Variants in RAB3C observed in about 807,000 individuals in gnomAD.
RAB3C encodes the protein RAB3C, member RAS oncogene family, also known as ras-related protein Rab-3C.
RAB3C carries 17 observed loss-of-function variants against 26.4 expected under a neutral mutation model. That is an observed-to-expected ratio of 0.64 (90% CI 0.44 to 0.97). The LOEUF (loss-of-function observed/expected upper bound fraction) is 0.97, where lower values mean the gene tolerates loss of function less well. Ranked by LOEUF, RAB3C falls within the 50% of genes least tolerant of loss-of-function variation. The pLI is 0.00. For missense variants in RAB3C, 242 were observed against 281.9 expected, an observed-to-expected ratio of 0.86 and a Z score of 1.01; for synonymous variants, 91 against 95.9, an observed-to-expected ratio of 0.95 and a Z score of 0.30.
intron 2 of RAB3C, among the ~76,000 whole-genome samples, chr5:58,674,844 A>G (rs1748190735): frequency 1.3e-5 from 2 of 151,982 alleles, no homozygotes; most frequent in Non-Finnish European, 2.9e-5. Context: ...ACAAGTCTTG[A>G]GATGAAACAT....
At chr5:58,734,868 A>G (rs1741101495) in intron 3 of RAB3C, among the ~76,000 whole-genome samples, 1 of 152,244 alleles carries the variant, frequency 6.6e-6, no homozygotes, top group Non-Finnish European at 1.5e-5. Context: ...CTGAATTAGC[A>G]AATACTGAAT....
chr5:58,677,125 C>T (rs551348899), intron 2 of RAB3C, among the ~76,000 whole-genome samples: 50 of 152,288 alleles, frequency 3.3e-4, no homozygotes, highest in African/African-American at 1.2e-3. Flanking sequence ...CCAGTCTTCA[C>T]GTGGTGTTCT....
chr5:58,821,523 G>A (rs562005552), intron 3 of RAB3C, among the ~76,000 whole-genome samples: 1 of 152,132 alleles, frequency 6.6e-6, no homozygotes, highest in African/African-American at 2.4e-5. Flanking sequence ...GTGTACATAA[G>A]ATTAAGTGAG....
intron 2 of RAB3C, chr5:58,689,161 C>G (rs182114115): frequency 2.6e-5 from 4 of 152,204 alleles, no homozygotes; most frequent in Admixed American, 2.6e-4. Context: ...TGAGACGAGA[C>G]CAGAATTCGA....
At position 58,583,338 on chromosome 5, in the gene RAB3C, C is replaced by A. The variant is rs1049932356; in HGVS notation, c.24+106C>A. 1.9e-6 allele frequency: 3 copies of A among 1,574,040 alleles called. No homozygotes were observed. The African/African-American group carries it at 4.0e-5, about 21-fold the overall frequency. ...CGTAAGGAAAGGTCTAGGCGGTCAC[C>A]CGCGGAGATGCGGCTCTGTGACATG... On this transcript the variant is annotated intron_variant, in intron 1 of 4. Transcript: ENST00000282878.
intron 2 of RAB3C, among the ~76,000 whole-genome samples, chr5:58,694,446 C>A (rs933975326): frequency 1.3e-5 from 2 of 152,122 alleles, no homozygotes; most frequent in African/African-American, 4.8e-5. Flanking sequence ...TGGGTATATA[C>A]CCAGTAATGG....
In RAB3C at chr5:58,845,116, C is replaced by T. The variant is rs145039581; in HGVS notation, c.497-6048C>T. 2.5e-4 allele frequency among the ~76,000 whole-genome samples: 38 copies of T among 152,260 alleles called. No individual in the cohort carries two copies. The East Asian group carries it at 3.1e-3, about 12-fold the overall frequency. Reference sequence around the variant, plus strand: ...AATGGAGTCCCCTAGGGTGCTCTGACGTTCCAGTACTCTTCAAGCGCCAGA... The same window carrying T: ...AATGGAGTCCCCTAGGGTGCTCTGATGTTCCAGTACTCTTCAAGCGCCAGA... On this transcript the variant is annotated intron_variant, in intron 4 of 4. Transcript: ENST00000282878.
intron 2 of RAB3C, among the ~76,000 whole-genome samples, chr5:58,696,275 A>G (rs1465463739): frequency 2.0e-5 from 3 of 152,234 alleles, no homozygotes; most frequent in African/African-American, 7.2e-5. Context: ...GATGAAGCCA[A>G]CTTGATCGTG....
intron 3 of RAB3C, among the ~76,000 whole-genome samples, chr5:58,754,115 A>G (rs1053450130): frequency 6.6e-6 from 1 of 152,130 alleles, no homozygotes; most frequent in South Asian, 2.1e-4. Context: ...AAAGCTTTCC[A>G]TCACAAAAGG....
At chr5:58,683,135 T>A (rs568602566) in intron 2 of RAB3C, among the ~76,000 whole-genome samples, 2 of 152,230 alleles carry the variant, frequency 1.3e-5, no homozygotes, top group East Asian at 1.9e-4. Flanking sequence ...ATGAACATGG[T>A]TTATTATTTT....
chr5:58,711,536 C>T (rs1749061752), intron 2 of RAB3C, among the ~76,000 whole-genome samples: 1 of 152,052 alleles, frequency 6.6e-6, no homozygotes, highest in South Asian at 2.1e-4. Context: ...ACTCCAAAGC[C>T]CTTTCTTTGT....
At chr5:58,696,217 A>T (rs1249487202) in intron 2 of RAB3C, among the ~76,000 whole-genome samples, 2 of 152,008 alleles carry the variant, frequency 1.3e-5, no homozygotes, top group African/African-American at 4.8e-5. Context: ...TTATGTGATG[A>T]ATTACGTTTA....
chr5:58,807,612 G>A (rs975479431), intron 3 of RAB3C, among the ~76,000 whole-genome samples: 67 of 152,256 alleles, frequency 4.4e-4, no homozygotes, highest in African/African-American at 1.6e-3. Flanking sequence ...TCACATGGTA[G>A]AGAGAGAGTA....
intron 2 of RAB3C, among the ~76,000 whole-genome samples, chr5:58,674,536 A>G (rs999955256): frequency 6.6e-6 from 1 of 152,226 alleles, no homozygotes; most frequent in African/African-American, 2.4e-5. Flanking sequence ...TGCTTAATCC[A>G]TGTGAAAAGT....
Position 58,769,360 on chromosome 5 carries a change from A to G in RAB3C, c.371+43240A>G, listed in dbSNP as rs75210046. ...AGGATGCAAGGAGTCATTGGCATTA[A>G]AGTATTAAAGTATGTGTACATTGGT... On this transcript the variant is annotated intron_variant, in intron 3 of 4. Coordinates refer to ENST00000282878, the MANE Select transcript of RAB3C (RefSeq NM_138453.4). 9.7e-3 allele frequency among the ~76,000 whole-genome samples: 1,472 copies of G among 152,240 alleles called. 23 individuals carry two copies. Among genetic ancestry groups the G allele is most frequent in the African/African-American group, 0.033 (1,379 of 41,526 alleles).
At chr5:58,791,468 G>T (rs1323198927) in intron 3 of RAB3C, among the ~76,000 whole-genome samples, 4 of 152,180 alleles carry the variant, frequency 2.6e-5, no homozygotes, top group African/African-American at 9.7e-5. Context: ...GAGAGAAAGA[G>T]ATCTCATCCA....
Position 58,681,746 on chromosome 5 carries a change from A to G in RAB3C, c.253-44256A>G, listed in dbSNP as rs571154381. 4.6e-5 allele frequency among the ~76,000 whole-genome samples: 7 copies of G among 152,170 alleles called. No individual in the cohort carries two copies. In the South Asian group the frequency reaches 1.5e-3, roughly 32 times the overall value. On this transcript the variant is annotated intron_variant, in intron 2 of 4. Transcript: ENST00000282878. ...TGGGACCTATAAATACTAGACTAGA[A>G]AAGAATTCTTAGTTGAATAGGAAAT... is the stretch of plus-strand genomic sequence containing the variant.
chr5:58,792,553 C>A (rs866890283), intron 3 of RAB3C, among the ~76,000 whole-genome samples: 1 of 151,534 alleles, frequency 6.6e-6, no homozygotes, highest in African/African-American at 2.4e-5. Flanking sequence ...GAGCCAGAGG[C>A]GGAAGCTGTG....
chr5:58,593,281 A>G (rs1041669772), intron 1 of RAB3C, among the ~76,000 whole-genome samples: 8 of 152,144 alleles, frequency 5.3e-5, no homozygotes, highest in Non-Finnish European at 8.8e-5. Flanking sequence ...CTTGTTTCCA[A>G]GTGAAGACAG....
Sources: gnomAD v4.1 joint callset for allele counts (sites outside exome capture counted in the v4.1 genomes callset) on GRCh38, gnomAD v4.1.1 for gene constraint, MANE v1.5 for transcripts, NCBI Gene and HGNC (gene_info 2026-07-23, HGNC 2026-07-21) for gene names.